Variants in CCM2 observed in about 807,000 individuals in gnomAD.
CCM2 encodes the protein CCM2 scaffold protein.
Under a neutral mutation model 44.9 loss-of-function variants are expected in CCM2, and 25 were observed. The ratio of observed to expected loss-of-function variants is 0.56; its 90% CI spans 0.41 to 0.78. CCM2 has a LOEUF of 0.78. Ranked by LOEUF, CCM2 falls within the 30% of genes least tolerant of loss-of-function variation. The pLI, the probability that CCM2 is intolerant of heterozygous loss-of-function variation, is 0.00. For missense variants in CCM2, 481 were observed against 580.6 expected, an observed-to-expected ratio of 0.83 and a Z score of 1.76; for synonymous variants, 219 against 241.1, an observed-to-expected ratio of 0.91 and a Z score of 0.85.
intron 1 of CCM2, among the ~76,000 whole-genome samples, chr7:45,034,681 GC>G (rs1202576508): frequency 1.3e-5 from 2 of 150,516 alleles, no homozygotes; most frequent in Non-Finnish European, 3.0e-5. Flanking sequence ...ACCACACCCA[GC>G]TAATTTTTGT....
intron 2 of CCM2, among the ~76,000 whole-genome samples, chr7:45,047,746 C>T (rs1797826490): frequency 6.6e-6 from 1 of 152,166 alleles, no homozygotes; most frequent in African/African-American, 2.4e-5. Context: ...CAGGAGGGGT[C>T]CTCACAGTGA....
chr7:45,015,402 T>C (rs531345245), intron 1 of CCM2, among the ~76,000 whole-genome samples: 2 of 152,330 alleles, frequency 1.3e-5, no homozygotes, highest in South Asian at 4.1e-4. Context: ...CCCCACAGTT[T>C]GCTGTTGGGG....
rs146337513 is a variant in CCM2 at position 45,015,559 on chromosome 7, A to G, written c.30+15196A>G. Among the ~76,000 whole-genome samples the G allele has an allele frequency of 7.2e-5, 11 of 152,344 alleles. No homozygotes were observed. In the East Asian group the frequency reaches 2.1e-3, roughly 29 times the overall value. On this transcript the variant is annotated intron_variant, in intron 1 of 9. Coordinates refer to ENST00000258781, the MANE Select transcript of CCM2 (RefSeq NM_031443.4). Reference sequence around the variant, plus strand: ...CAGTTACACAGCTCAGCCCTGACCAACATGTTCCTGTGCCTTGCTGAACAC... The same window carrying G: ...CAGTTACACAGCTCAGCCCTGACCAGCATGTTCCTGTGCCTTGCTGAACAC...
At chr7:45,036,657 T>C (rs137864285) in intron 1 of CCM2, among the ~76,000 whole-genome samples, 140 of 152,276 alleles carry the variant, frequency 9.2e-4, no homozygotes, top group Admixed American at 1.9e-3. Context: ...TGCAATTGTC[T>C]GTGAAATTGG....
intron 1 of CCM2, among the ~76,000 whole-genome samples, chr7:45,014,065 A>G (rs1010803809): frequency 1.3e-5 from 2 of 152,074 alleles, no homozygotes; most frequent in Non-Finnish European, 2.9e-5. Context: ...TTGAAGCTCA[A>G]ATTGTCCCAA....
At chr7:45,073,944 T>C (rs1799215210) in intron 8 of CCM2, 2 of 526,674 alleles carry the variant, frequency 3.8e-6, no homozygotes, top group Admixed American at 3.2e-5. Context: ...TGTGTGCCTG[T>C]GTGTAGCCTA....
chr7:45,048,804 A>G (rs1279794211), intron 2 of CCM2, among the ~76,000 whole-genome samples: 1 of 152,044 alleles, frequency 6.6e-6, no homozygotes, highest in African/African-American at 2.4e-5. Flanking sequence ...ACAAGCTGAC[A>G]TTTTCCCCAG....
At chr7:45,007,310 C>T (rs1795884805) in intron 1 of CCM2, among the ~76,000 whole-genome samples, 1 of 152,188 alleles carries the variant, frequency 6.6e-6, no homozygotes, top group African/African-American at 2.4e-5. Context: ...TGAGCCCAGC[C>T]ATGTCCTCTG....
At chr7:45,012,868 T>C (rs1363140969) in intron 1 of CCM2, among the ~76,000 whole-genome samples, 1 of 152,168 alleles carries the variant, frequency 6.6e-6, no homozygotes, top group African/African-American at 2.4e-5. Context: ...TTATGCTGCA[T>C]GTTTGCATGG....
chr7:45,033,648 G>T (rs767421713), intron 1 of CCM2, among the ~76,000 whole-genome samples: 1 of 152,218 alleles, frequency 6.6e-6, no homozygotes, highest in Admixed American at 6.5e-5. Flanking sequence ...GCTGATGTGA[G>T]ATTATCCATG....
intron 2 of CCM2, among the ~76,000 whole-genome samples, chr7:45,043,131 C>T (rs1174965102): frequency 6.6e-6 from 1 of 152,002 alleles, no homozygotes; most frequent in African/African-American, 2.4e-5. Flanking sequence ...TGCCACCATG[C>T]CCAGCTAATT....
chr7:45,033,080 G>T (rs1367605767), intron 1 of CCM2, among the ~76,000 whole-genome samples: 1 of 145,898 alleles, frequency 6.9e-6, no homozygotes, highest in Non-Finnish European at 1.5e-5. Flanking sequence ...AAGAGCAAAG[G>T]CCAGAGGAGG....
chr7:45,052,641 T>C (rs1213302696), intron 2 of CCM2, among the ~76,000 whole-genome samples: 1 of 152,220 alleles, frequency 6.6e-6, no homozygotes, highest in African/African-American at 2.4e-5. Context: ...CTACAAACCA[T>C]GTACCCAAGA....
intron 1 of CCM2, among the ~76,000 whole-genome samples, chr7:45,030,153 G>A (rs980900396): frequency 1.2e-4 from 19 of 152,164 alleles, no homozygotes; most frequent in Non-Finnish European, 5.9e-5. Flanking sequence ...TCACTTTGGT[G>A]CTGGGACTCC....
chr7:45,062,891 G>A (rs573823533), intron 2 of CCM2, among the ~76,000 whole-genome samples: 5 of 152,080 alleles, frequency 3.3e-5, no homozygotes, highest in Admixed American at 2.6e-4. Flanking sequence ...GGCACAGCTG[G>A]TGAGGGGCTG....
chr7:45,033,673 A>G (rs1180739040), intron 1 of CCM2, among the ~76,000 whole-genome samples: 1 of 152,218 alleles, frequency 6.6e-6, no homozygotes, highest in African/African-American at 2.4e-5. Context: ...TGGAGATGCA[A>G]GCTTCCGAAA....
intron 1 of CCM2, among the ~76,000 whole-genome samples, chr7:45,006,286 C>T (rs975264306): frequency 6.6e-6 from 1 of 152,060 alleles, no homozygotes. Flanking sequence ...TGTGCTGAAG[C>T]CCCTACTTCC....
intron 1 of CCM2, among the ~76,000 whole-genome samples, chr7:45,019,477 G>A (rs2128718072): frequency 6.6e-6 from 1 of 152,146 alleles, no homozygotes; most frequent in South Asian, 2.1e-4. Flanking sequence ...GCCTTTGTGG[G>A]GTTTCAAATG....
At chr7:45,062,275 T>C (rs1330908339) in intron 2 of CCM2, among the ~76,000 whole-genome samples, 1 of 152,142 alleles carries the variant, frequency 6.6e-6, no homozygotes. Flanking sequence ...CTGAGAAATG[T>C]TGAGTGCAAG....
Sources: allele counts gnomAD v4.1 joint callset (sites outside exome capture counted in the v4.1 genomes callset), GRCh38; gene constraint gnomAD v4.1.1; transcripts MANE v1.5; gene names NCBI Gene and HGNC (gene_info 2026-07-23, HGNC 2026-07-21).